NPC1: variants seen among roughly 807,000 people sequenced by gnomAD.
NPC1 encodes the protein NPC intracellular cholesterol transporter 1.
NPC1 carries 85 observed loss-of-function variants against 140.4 expected under a neutral mutation model. The observed-to-expected ratio is 0.61, with a 90% confidence interval of 0.51 to 0.72. NPC1 has a LOEUF of 0.72. NPC1 is among the 30% of genes least tolerant of loss of function. The pLI is 0.00. For missense variants in NPC1, 1,504 were observed against 1,623.8 expected, an observed-to-expected ratio of 0.93 and a Z score of 1.27; for synonymous variants, 656 against 624.8, an observed-to-expected ratio of 1.05 and a Z score of -0.74.
At chr18:23,527,165 C>T (rs946635813), downstream of NPC1, among the ~76,000 whole-genome samples, 1 of 146,494 alleles carries the variant, frequency 6.8e-6, no homozygotes, top group Non-Finnish European at 1.5e-5. Flanking sequence ...AGGAGGATTG[C>T]CTGAGCCTAG....
Position 23,586,395 on chromosome 18 carries a change from C to G in NPC1, c.-52G>C. The G allele has an allele frequency of 1.3e-6, 2 of 1,529,286 alleles. No individual in the cohort carries two copies. Among genetic ancestry groups the G allele is most frequent in the Non-Finnish European group, 1.7e-6 (2 of 1,144,320 alleles). The allele number at this position is 1,529,286 out of a possible 1,614,324, so 94.7% of individuals were successfully genotyped here. On this transcript the variant is annotated 5_prime_UTR_variant, in exon 1 of 25. Coordinates refer to ENST00000269228, the MANE Select transcript of NPC1 (RefSeq NM_000271.5). ...CCGGCGGCGTTCGGCTGGTTGGGCT[C>G]CCCGGAGGCGGCTCTACTTCCCCGG... is the stretch of plus-strand genomic sequence containing the variant.
At chr18:23,557,315 G>A (rs1284680782) in intron 6 of NPC1, 125 bp from the exon 7 acceptor site, 1 of 739,186 alleles carries the variant, frequency 1.4e-6, no homozygotes, top group Non-Finnish European at 2.4e-6. Flanking sequence ...CCTAATTACT[G>A]CCTTCTTTCC....
At chr18:23,577,665 C>T (rs575660034) in intron 1 of NPC1, among the ~76,000 whole-genome samples, 136 of 152,312 alleles carry the variant, frequency 8.9e-4, no homozygotes, top group African/African-American at 3.1e-3. Context: ...TGGGACTGGG[C>T]GCCGTGGAGC....
intron 20 of NPC1, 132 bp from the exon 21 acceptor site, chr18:23,537,008 T>A: frequency 1.4e-6 from 1 of 731,538 alleles, no homozygotes; most frequent in South Asian, 1.5e-5. Context: ...ATTTCAGGGA[T>A]GAAGAAGGCC....
At chr18:23,585,779 C>G (rs750166766) in intron 1 of NPC1, among the ~76,000 whole-genome samples, 13 of 152,166 alleles carry the variant, frequency 8.5e-5, no homozygotes, top group Non-Finnish European at 1.5e-5. Flanking sequence ...GAAAAGTAAC[C>G]TGCCCTCTTT....
chr18:23,571,968 C>T, intron 3 of NPC1, 106 bp downstream of exon 3: 1 of 568,446 alleles, frequency 1.8e-6, no homozygotes, highest in Non-Finnish European at 3.2e-6. Flanking sequence ...ATAATATAGA[C>T]ATATAATAAA....
At chr18:23,561,180 G>A (rs961376444) in intron 5 of NPC1, among the ~76,000 whole-genome samples, 180 bp downstream of exon 5, 7 of 152,114 alleles carry the variant, frequency 4.6e-5, no homozygotes, top group African/African-American at 1.4e-4. Context: ...CCTGGCTAAT[G>A]TTTAATTCTT....
chr18:23,528,049 G>C (rs1598910593), downstream of NPC1: 4 of 648,992 alleles, frequency 6.2e-6, no homozygotes, highest in East Asian at 2.9e-5. Context: ...TGGCAGTAGT[G>C]GGGGATAGTG....
At chr18:23,556,986 C>T (rs2058962834) in intron 7 of NPC1, 131 bp downstream of exon 7, 1 of 792,356 alleles carries the variant, frequency 1.3e-6, no homozygotes. Context: ...ACCATGTCTG[C>T]CTTGGTCGCA....
chr18:23,518,773 G>A (rs2058072676), downstream of NPC1: 1 of 857,560 alleles, frequency 1.2e-6, no homozygotes, highest in Non-Finnish European at 1.8e-6. Flanking sequence ...AACACTTGTT[G>A]GCAGCAAAAT....
chr18:23,535,527 C>A lies in NPC1; in HGVS notation c.3419G>T (p.Gly1140Val), dbSNP rs2058616184. ...ACTGATGCCCCAGAGCCACATAACT[C>A]CAAACATGTTGACCAAGACCATGGC... ...TIAMVLVNMF[G>V]VMWLWGISLN... The change falls in exon 22 of 25, where the codon GGA becomes GTA. Residue 1140 changes from glycine to valine, a missense_variant. By Grantham distance (109) the Gly-to-Val change is moderately radical. Coordinates refer to ENST00000269228, the MANE Select transcript of NPC1 (RefSeq NM_000271.5). 2 of 1,614,064 alleles carry A rather than the reference C, an allele frequency of 1.2e-6. No homozygotes were observed. The highest frequency in any genetic ancestry group is 1.7e-5 in the Admixed American group (1 of 60,006).
downstream of NPC1, chr18:23,524,339 T>C (rs1008392023): frequency 6.6e-7 from 1 of 1,519,376 alleles, no homozygotes; most frequent in Admixed American, 1.7e-5. Context: ...GTGGACTCAG[T>C]ACATGGTGGG....
intron 3 of NPC1, chr18:23,509,103 T>A: frequency 2.3e-6 from 1 of 437,458 alleles, no homozygotes. Flanking sequence ...CATTAAAGAA[T>A]GACAAACTGC....
Position 23,554,972 on chromosome 18 carries a change from GT to G in NPC1, c.1338del (p.Leu446PhefsTer3). On this transcript the variant is annotated frameshift_variant, in exon 9 of 25. Transcript: ENST00000269228. LOFTEE classifies it high-confidence loss of function. Reference sequence around the variant, plus strand: ...GCAGTAATGTTTTCGATGGCTATTTGTAAGTCAAGAACCTGAAAGAAGATTT... The same window carrying G: ...GCAGTAATGTTTTCGATGGCTATTTGAAGTCAAGAACCTGAAAGAAGATTT... Reference protein sequence around the residue: ...DIQILHQVLDLQIAIENITAS... With the variant: ...DIQILHQVLDXQIAIENITAS... 1 of 1,609,998 alleles carries G rather than the reference GT, an allele frequency of 6.2e-7. No homozygotes were observed. The highest frequency in any genetic ancestry group is 1.3e-5 in the African/African-American group (1 of 74,936).
At position 23,543,565 on chromosome 18, in the gene NPC1, T is replaced by G. The variant is rs1197210106; in HGVS notation, c.2135A>C (p.Asp712Ala). The change falls in exon 14 of 25, where the codon GAT becomes GCT. Residue 712 changes from aspartate to alanine, a missense_variant. Coordinates refer to ENST00000269228, the MANE Select transcript of NPC1 (RefSeq NM_000271.5). ...IFILVQAYQR[D>A]ERLQGETLDQ... ...CAGGGTTTCCCCTTGAAGACGTTCA[T>G]CTCTCTTAAAAAAAAAAAAAAAAAA... 6.7e-7 allele frequency: 1 copy of G among 1,483,222 alleles called. No homozygotes were observed. Among genetic ancestry groups the G allele is most frequent in the South Asian group, 1.2e-5 (1 of 86,266 alleles). 91.9% of individuals were successfully genotyped at this position (1,483,222 alleles called of 1,614,324 possible).
At chr18:23,511,098 T>G (rs2057845704) in intron 3 of NPC1, among the ~76,000 whole-genome samples, 1 of 152,236 alleles carries the variant, frequency 6.6e-6, no homozygotes, top group African/African-American at 2.4e-5. Context: ...AGTGACAGAT[T>G]GGATAAAGAA....
chr18:23,560,120 T>C lies in NPC1; in HGVS notation c.881+111A>G, dbSNP rs931268542. Reference sequence around the variant, plus strand: ...ACAATAATCCATGCAATGGTATTCATGGAGGTATTTGTTTCTTGTCCTAAG... The same window carrying C: ...ACAATAATCCATGCAATGGTATTCACGGAGGTATTTGTTTCTTGTCCTAAG... On this transcript the variant is annotated intron_variant, in intron 6 of 24. Coordinates refer to ENST00000269228, the MANE Select transcript of NPC1 (RefSeq NM_000271.5). The C allele has an allele frequency of 3.9e-6, 5 of 1,276,762 alleles. No individual in the cohort carries two copies. The African/African-American group carries it at 7.3e-5, about 19-fold the overall frequency. 79.1% of individuals were successfully genotyped at this position (1,276,762 alleles called of 1,614,324 possible).
Position 23,557,151 on chromosome 18 carries a change from G to A in NPC1, c.921C>T (p.Ser307=). Reference sequence around the variant, plus strand: ...TTGCATTAACAGAAAAAGCTATATTGCTATCGATGGGAGTGTACTCGGAGA... The same window carrying A: ...TTGCATTAACAGAAAAAGCTATATTACTATCGATGGGAGTGTACTCGGAGA... The part of the protein sequence containing the change: ...YFVSEYTPID[S]NIAFSVNASD... Residue 307 remains serine, a synonymous_variant, in exon 7 of 25, where the codon AGC becomes AGT. Transcript: ENST00000269228. 6.2e-7 allele frequency: 1 copy of A among 1,613,788 alleles called. No individual in the cohort carries two copies. Among genetic ancestry groups the A allele is most frequent in the Non-Finnish European group, 8.5e-7 (1 of 1,179,852 alleles).
chr18:23,584,322 A>C (rs2059390109), intron 1 of NPC1, among the ~76,000 whole-genome samples: 1 of 152,146 alleles, frequency 6.6e-6, no homozygotes, highest in South Asian at 2.1e-4. Context: ...TCTCTCTCCC[A>C]ATCTGTTTGG....
Sources: allele counts gnomAD v4.1 joint callset (sites outside exome capture counted in the v4.1 genomes callset), GRCh38; gene constraint gnomAD v4.1.1; transcripts MANE v1.5; gene names NCBI Gene and HGNC (gene_info 2026-07-23, HGNC 2026-07-21).